Variants in LRRC4C observed in about 807,000 individuals in gnomAD.
The protein encoded by LRRC4C is leucine rich repeat containing 4C.
A neutral mutation model predicts 33.6 loss-of-function variants in LRRC4C; 5 were observed. The observed-to-expected ratio is 0.15, with a 90% CI of 0.08 to 0.31. The LOEUF (loss-of-function observed/expected upper bound fraction) is 0.31. Ranked by LOEUF, LRRC4C falls within the 10% of genes least tolerant of loss-of-function variation. LRRC4C has a pLI of 1.00. For synonymous variants in LRRC4C, 329 were observed against 302.0 expected, an observed-to-expected ratio of 1.09 and a Z score of -0.93; for missense variants, 560 against 796.7, an observed-to-expected ratio of 0.70 and a Z score of 3.58.
intron 2 of LRRC4C, among the ~76,000 whole-genome samples, chr11:40,912,084 A>G (rs1484420309): frequency 6.6e-6 from 1 of 152,206 alleles, no homozygotes; most frequent in Non-Finnish European, 1.5e-5. Flanking sequence ...CGTACCTGAA[A>G]GTGAGGGGGA....
At chr11:40,346,597 G>T (rs1276316788) in intron 3 of LRRC4C, among the ~76,000 whole-genome samples, 1 of 152,042 alleles carries the variant, frequency 6.6e-6, no homozygotes. Flanking sequence ...GTAATTAATG[G>T]GTACTAGGCT....
At chr11:40,890,884 G>A (rs552138847) in intron 2 of LRRC4C, among the ~76,000 whole-genome samples, 6 of 152,074 alleles carry the variant, frequency 3.9e-5, no homozygotes, top group Non-Finnish European at 8.8e-5. Flanking sequence ...ATGTCAAAAA[G>A]CTAAGGGGAA....
At chr11:40,391,069 A>G (rs1257785008) in intron 3 of LRRC4C, among the ~76,000 whole-genome samples, 1 of 151,994 alleles carries the variant, frequency 6.6e-6, no homozygotes, top group Non-Finnish European at 1.5e-5. Context: ...TTTAGTATAG[A>G]TGGGGTTTCA....
At chr11:41,026,985 C>G (rs1398956656) in intron 1 of LRRC4C, among the ~76,000 whole-genome samples, 4 of 151,614 alleles carry the variant, frequency 2.6e-5, no homozygotes, top group Non-Finnish European at 5.9e-5. Flanking sequence ...CGCACACTCT[C>G]TCTTTTCTCT....
chr11:40,388,958 G>A (rs114263948), intron 3 of LRRC4C, among the ~76,000 whole-genome samples: 186 of 152,192 alleles, frequency 1.2e-3, no homozygotes, highest in African/African-American at 4.3e-3. Flanking sequence ...TATTAGTCAC[G>A]TGTTCACTTG....
chr11:40,633,529 C>A (rs1041256087), intron 3 of LRRC4C, among the ~76,000 whole-genome samples: 3 of 151,716 alleles, frequency 2.0e-5, no homozygotes, highest in African/African-American at 7.3e-5. Flanking sequence ...GCTGGGATTA[C>A]AGGTGCCCAC....
At chr11:40,461,112 A>G (rs76325030) in intron 3 of LRRC4C, among the ~76,000 whole-genome samples, 6,167 of 152,264 alleles carry the variant, frequency 0.041, 404 homozygotes, top group African/African-American at 0.14. Flanking sequence ...AAAACAGACA[A>G]AAAATCTTTA....
intron 2 of LRRC4C, among the ~76,000 whole-genome samples, chr11:40,764,453 C>A (rs1202517273): frequency 6.6e-6 from 1 of 152,134 alleles, no homozygotes; most frequent in Non-Finnish European, 1.5e-5. Flanking sequence ...GTAGATAGAA[C>A]ACTAAGTAGA....
intron 5 of LRRC4C, among the ~76,000 whole-genome samples, chr11:40,237,418 A>G (rs1251131757): frequency 1.3e-5 from 2 of 152,222 alleles, no homozygotes; most frequent in African/African-American, 4.8e-5. Context: ...CAGTGCCTGC[A>G]TGACTTGGAC....
At chr11:40,802,758 A>G (rs4370928) in intron 2 of LRRC4C, among the ~76,000 whole-genome samples, 107,272 of 151,972 alleles carry the variant, frequency 0.71, 38,242 homozygotes, top group East Asian at 0.81. Flanking sequence ...AGGAGTTGCC[A>G]AAACTGTGAA....
At chr11:40,383,152 C>A (rs1948959979) in intron 3 of LRRC4C, among the ~76,000 whole-genome samples, 2 of 152,236 alleles carry the variant, frequency 1.3e-5, no homozygotes, top group Admixed American at 6.5e-5. Flanking sequence ...TTTCACCTAG[C>A]ATGATGTTCT....
At chr11:40,984,988 G>A (rs144575252) in intron 1 of LRRC4C, among the ~76,000 whole-genome samples, 1,429 of 131,280 alleles carry the variant, frequency 0.011, 35 homozygotes, top group African/African-American at 0.037. Context: ...TGCAACCTCC[G>A]TCTCCCAGGT....
At chr11:41,294,582 G>T (rs538751673) in intron 1 of LRRC4C, among the ~76,000 whole-genome samples, 2 of 152,258 alleles carry the variant, frequency 1.3e-5, no homozygotes, top group South Asian at 4.1e-4. Flanking sequence ...TAATGCACAA[G>T]AATTTTAAGA....
intron 1 of LRRC4C, among the ~76,000 whole-genome samples, chr11:41,434,553 C>T (rs916778722): frequency 2.0e-5 from 3 of 152,078 alleles, no homozygotes; most frequent in Admixed American, 6.6e-5. Context: ...TCCCATGATA[C>T]AAAATACAGG....
At chr11:41,032,933 T>C (rs1304389980) in intron 1 of LRRC4C, among the ~76,000 whole-genome samples, 1 of 152,072 alleles carries the variant, frequency 6.6e-6, no homozygotes, top group Non-Finnish European at 1.5e-5. Flanking sequence ...AAAAGCATCA[T>C]TTTCATTAGC....
intron 1 of LRRC4C, among the ~76,000 whole-genome samples, chr11:41,287,525 G>A (rs948609851): frequency 5.3e-5 from 8 of 151,956 alleles, no homozygotes; most frequent in Non-Finnish European, 8.8e-5. Flanking sequence ...AATCTATAGG[G>A]ATCTTTTCTT....
intron 1 of LRRC4C, chr11:41,426,585 A>G (rs943109215): frequency 2.0e-5 from 3 of 152,220 alleles, no homozygotes; most frequent in African/African-American, 4.8e-5. Flanking sequence ...TCTAAAAACA[A>G]GCAGACTCAC....
chr11:40,546,438 G>C (rs945954583), intron 3 of LRRC4C, among the ~76,000 whole-genome samples: 1 of 151,940 alleles, frequency 6.6e-6, no homozygotes, highest in African/African-American at 2.4e-5. Flanking sequence ...CTAGAATATA[G>C]AGCCACATTG....
chr11:40,553,929 T>C (rs1235825520), intron 3 of LRRC4C, among the ~76,000 whole-genome samples: 4 of 152,182 alleles, frequency 2.6e-5, no homozygotes, highest in Non-Finnish European at 5.9e-5. Flanking sequence ...TTTGTGTGTG[T>C]GCAGAAGCTC....
Sources: allele counts gnomAD v4.1 joint callset (sites outside exome capture counted in the v4.1 genomes callset), GRCh38; gene constraint gnomAD v4.1.1; transcripts MANE v1.5; gene names NCBI Gene and HGNC (gene_info 2026-07-23, HGNC 2026-07-21).